SIGLEC14: variants seen among roughly 807,000 people sequenced by gnomAD.
The protein encoded by SIGLEC14 is sialic acid-binding Ig-like lectin 14.
SIGLEC14 carries 11 observed loss-of-function variants against 34.2 expected under a neutral mutation model. The observed-to-expected ratio is 0.32, with a 90% CI of 0.20 to 0.53. The LOEUF (loss-of-function observed/expected upper bound fraction) is 0.53, where lower values mean the gene tolerates loss of function less well. SIGLEC14 is among the 20% of genes least tolerant of loss of function. SIGLEC14 has a pLI of 0.95. For missense variants in SIGLEC14, 264 were observed against 439.0 expected (o/e 0.60, Z 3.56); for synonymous variants, 99 against 179.7 (o/e 0.55, Z 3.59).
intron 3 of SIGLEC14, 75 bp from the exon 4 acceptor site, chr19:51,645,605 A>AG (rs1314825824): frequency 6.8e-7 from 1 of 1,470,354 alleles, no homozygotes; most frequent in Non-Finnish European, 9.2e-7. Flanking sequence ...GGACCCAAGG[A>AG]GGGGCCACAG....
intron 6 of SIGLEC14, 67 bp from the exon 7 acceptor site, chr19:51,643,464 GCT>G: frequency 2.2e-6 from 3 of 1,335,830 alleles, no homozygotes; most frequent in Non-Finnish European, 2.0e-6. Flanking sequence ...GTGGGGCTGA[GCT>G]GTCCTGGGGC....
intron 6 of SIGLEC14, 54 bp downstream of exon 6, chr19:51,643,483 G>GGCCCCCCCCCCCC: frequency 2.3e-6 from 3 of 1,297,880 alleles, no homozygotes; most frequent in Non-Finnish European, 1.0e-6. Flanking sequence ...GGGCAGGACA[G>GGCCCCCCCCCCCC]CTCAGCCCCA....
Position 51,639,682 on chromosome 19 carries a change from C to A in SIGLEC14, c.*3673G>T, listed in dbSNP as rs1379207909. ...CACTAATCCCATTCATGAAGGATGG[C>A]ACCATTATGGGTTAATCACTTTCCA... On this transcript the variant is annotated 3_prime_UTR_variant, in exon 7 of 7. Transcript: ENST00000360844. 1.4e-5 allele frequency: 2 copies of A among 138,982 alleles called. No individual in the cohort carries two copies. The highest frequency in any genetic ancestry group is 5.5e-5 in the African/African-American group (2 of 36,616). The allele number at this position is 138,982 out of a possible 1,614,324, so 8.6% of individuals were successfully genotyped here.
intron 3 of SIGLEC14, 98 bp from the exon 4 acceptor site, chr19:51,645,628 T>G: frequency 1.4e-6 from 2 of 1,448,294 alleles, no homozygotes; most frequent in Non-Finnish European, 1.9e-6. Flanking sequence ...ACCCACCAGG[T>G]GGGGACCGCT....
chr19:51,640,235 A>G lies in SIGLEC14; in HGVS notation c.*3120T>C, dbSNP rs1368407109. ...TTATAAGCTTTGAATGGGGAAAAAAAACTACTTGGGAAATGGGATAAAAGA... is the reference window on the plus strand; with the variant it reads ...TTATAAGCTTTGAATGGGGAAAAAAGACTACTTGGGAAATGGGATAAAAGA... On this transcript the variant is annotated 3_prime_UTR_variant, in exon 7 of 7. Coordinates refer to ENST00000360844, the MANE Select transcript of SIGLEC14 (RefSeq NM_001098612.3). 7.2e-6 allele frequency among the ~76,000 whole-genome samples: 1 copy of G among 139,686 alleles called. No homozygotes were observed. The highest frequency in any genetic ancestry group is 1.5e-5 in the Non-Finnish European group (1 of 65,174). The allele number at this position is 139,686 out of a possible 152,430, so 91.6% of individuals were successfully genotyped here. A position where few individuals can be genotyped will look rare whatever the true frequency, so the allele number is the denominator to read the frequency against.
chr19:51,643,423 T>C lies in SIGLEC14; in HGVS notation c.1149-26A>G, dbSNP rs776654679. 3 of 1,472,520 alleles carry C rather than the reference T, an allele frequency of 2.0e-6. 1 individual carries two copies. The highest frequency in any genetic ancestry group is 8.2e-5 in the East Asian group (2 of 24,488). 91.2% of individuals were successfully genotyped at this position (1,472,520 alleles called of 1,614,324 possible). A position where few individuals can be genotyped will look rare whatever the true frequency, so the allele number is the denominator to read the frequency against. On this transcript the variant is annotated intron_variant, in intron 6 of 6. Coordinates refer to ENST00000360844, the MANE Select transcript of SIGLEC14 (RefSeq NM_001098612.3). ...CTGCAGAGCCAACATGGGCCTCAGA[T>C]CAGCACCAGCCACTTCAGTTCTAAT...
intron 4 of SIGLEC14, among the ~76,000 whole-genome samples, chr19:51,644,471 G>C (rs1427426249): frequency 7.2e-6 from 1 of 137,940 alleles, no homozygotes; most frequent in Non-Finnish European, 1.5e-5. Flanking sequence ...TATAAGCAAG[G>C]GAAACAGAGT....
rs1600110187 is a variant in SIGLEC14, at chr19:51,643,467, G to A, written c.1148+70C>T. 4 of 1,349,830 alleles carry A rather than the reference G, an allele frequency of 3.0e-6. 1 individual carries two copies. The East Asian group carries it at 1.9e-4, about 62-fold the overall frequency. 83.6% of individuals were successfully genotyped at this position (1,349,830 alleles called of 1,614,324 possible). A position where few individuals can be genotyped will look rare whatever the true frequency, so the allele number is the denominator to read the frequency against. On this transcript the variant is annotated intron_variant, in intron 6 of 6. Transcript: ENST00000360844. Reference sequence around the variant, plus strand: ...TTCTAATTCCAGGTGGGGCTGAGCTGTCCTGGGGCAGGACAGCTCAGCCCC... The same window carrying A: ...TTCTAATTCCAGGTGGGGCTGAGCTATCCTGGGGCAGGACAGCTCAGCCCC...
intron 5 of SIGLEC14, 40 bp downstream of exon 5, chr19:51,643,739 C>A (rs1294894121): frequency 1.3e-6 from 2 of 1,514,612 alleles, no homozygotes; most frequent in Non-Finnish European, 1.8e-6. Flanking sequence ...CTGAATACCT[C>A]ACCGGGCTGT....
chr19:51,641,065 C>T lies in SIGLEC14; in HGVS notation c.*2290G>A, dbSNP rs1344129723. Among the ~76,000 whole-genome samples, 1 of 138,732 alleles carries T rather than the reference C, an allele frequency of 7.2e-6. No homozygotes were observed. The highest frequency in any genetic ancestry group is 1.5e-5 in the Non-Finnish European group (1 of 64,866). 91.0% of individuals were successfully genotyped at this position (138,732 alleles called of 152,430 possible). A position where few individuals can be genotyped will look rare whatever the true frequency, so the allele number is the denominator to read the frequency against. The stretch of plus-strand genomic sequence containing the variant: ...TAACGACAGAGTTTAAAAATACATG[C>T]AGCAAAAACTGATGAAACTGAGAGG... On this transcript the variant is annotated 3_prime_UTR_variant, in exon 7 of 7. Transcript: ENST00000360844.
At position 51,640,385 on chromosome 19, in the gene SIGLEC14, C is replaced by G. The variant is rs143678003; in HGVS notation, c.*2970G>C. ...GGCTGCTAAAATTCTAATACAACTCCTTCCATCTTTCTGGACTGAGAAACA... is the reference window on the plus strand; with the variant it reads ...GGCTGCTAAAATTCTAATACAACTCGTTCCATCTTTCTGGACTGAGAAACA... On this transcript the variant is annotated 3_prime_UTR_variant, in exon 7 of 7. Coordinates refer to ENST00000360844, the MANE Select transcript of SIGLEC14 (RefSeq NM_001098612.3). 7.2e-6 allele frequency among the ~76,000 whole-genome samples: 1 copy of G among 139,102 alleles called. No individual in the cohort carries two copies. Among genetic ancestry groups the G allele is most frequent in the Non-Finnish European group, 1.5e-5 (1 of 64,958 alleles). The allele number at this position is 139,102 out of a possible 152,430, so 91.3% of individuals were successfully genotyped here. A position where few individuals can be genotyped will look rare whatever the true frequency, so the allele number is the denominator to read the frequency against.
chr19:51,645,648 G>A, intron 3 of SIGLEC14, 118 bp from the exon 4 acceptor site: 9 of 1,446,388 alleles, frequency 6.2e-6, no homozygotes, highest in Middle Eastern at 1.8e-4. Flanking sequence ...TGTCCTTCCT[G>A]CCCACACACG....
Position 51,640,324 on chromosome 19 carries a change from A to G in SIGLEC14, c.*3031T>C, listed in dbSNP as rs1390413066. Among the ~76,000 whole-genome samples, 1 of 139,392 alleles carries G rather than the reference A, an allele frequency of 7.2e-6. No homozygotes were observed. The highest frequency in any genetic ancestry group is 2.7e-5 in the African/African-American group (1 of 36,740). 91.4% of individuals were successfully genotyped at this position (139,392 alleles called of 152,430 possible). ...GCACCAACAAGGAATAAATAGCTTT[A>G]TTCCAATGGTAGGTCAGAGCTACAG... On this transcript the variant is annotated 3_prime_UTR_variant, in exon 7 of 7. Transcript: ENST00000360844.
chr19:51,645,563 G>T lies in SIGLEC14; in HGVS notation c.701-33C>A, dbSNP rs777397608. On this transcript the variant is annotated intron_variant, in intron 3 of 6. Transcript: ENST00000360844. Reference sequence around the variant, plus strand: ...AGAAAGATACAGCACCAGCTTCAGAGGTGACAAGAGGGATGGGCGTGGTCC... The same window carrying T: ...AGAAAGATACAGCACCAGCTTCAGATGTGACAAGAGGGATGGGCGTGGTCC... The T allele has an allele frequency of 9.6e-5, 146 of 1,519,368 alleles. 33 individuals are homozygous for T. In the South Asian group the frequency reaches 1.7e-3, roughly 18 times the overall value. The allele number at this position is 1,519,368 out of a possible 1,614,324, so 94.1% of individuals were successfully genotyped here. A position where few individuals can be genotyped will look rare whatever the true frequency, so the allele number is the denominator to read the frequency against.
Position 51,643,716 on chromosome 19 carries a change from C to T in SIGLEC14, c.1013-44G>A, listed in dbSNP as rs1568598592. On this transcript the variant is annotated intron_variant, in intron 5 of 6. Transcript: ENST00000360844. ...TAAGGTGCTGTTACCAGGCCTCAGT[C>T]CCTCCCACCAACCTGAATACCTCAC... 8 of 1,521,862 alleles carry T rather than the reference C, an allele frequency of 5.3e-6. 2 individuals are homozygous for T. Among genetic ancestry groups the T allele is most frequent in the Non-Finnish European group, 7.0e-6 (8 of 1,135,284 alleles). The allele number at this position is 1,521,862 out of a possible 1,614,324, so 94.3% of individuals were successfully genotyped here.
intron 6 of SIGLEC14, 49 bp from the exon 7 acceptor site, chr19:51,643,446 A>G (rs1568598463): frequency 1.4e-6 from 2 of 1,426,816 alleles, no homozygotes; most frequent in Non-Finnish European, 1.8e-6. Context: ...CTTCAGTTCT[A>G]ATTCCAGGTG....
At position 51,642,282 on chromosome 19, in the gene SIGLEC14, G is replaced by A. The variant is rs34197373; in HGVS notation, c.*1073C>T. ...ATGAGCTATTGATACGTGTAACAACGTGGATAAACTGGGAAAACCACACTG... is the reference window on the plus strand; with the variant it reads ...ATGAGCTATTGATACGTGTAACAACATGGATAAACTGGGAAAACCACACTG... On this transcript the variant is annotated 3_prime_UTR_variant, in exon 7 of 7. Transcript: ENST00000360844. Among the ~76,000 whole-genome samples, 25,327 of 138,258 alleles carry A rather than the reference G, an allele frequency of 0.18. 5,747 individuals carry two copies. Among genetic ancestry groups the A allele is most frequent in the East Asian group, 0.6 (1,733 of 2,910 alleles). The allele number at this position is 138,258 out of a possible 152,430, so 90.7% of individuals were successfully genotyped here. A position where few individuals can be genotyped will look rare whatever the true frequency, so the allele number is the denominator to read the frequency against.
chr19:51,643,595 C>A lies in SIGLEC14; in HGVS notation c.1090G>T (p.Ala364Ser). 1.3e-6 allele frequency: 2 copies of A among 1,529,606 alleles called. No individual in the cohort carries two copies. The highest frequency in any genetic ancestry group is 1.8e-6 in the Non-Finnish European group (2 of 1,140,202). The allele number at this position is 1,529,606 out of a possible 1,614,324, so 94.8% of individuals were successfully genotyped here. A position where few individuals can be genotyped will look rare whatever the true frequency, so the allele number is the denominator to read the frequency against. The part of the protein sequence containing the change: ...WPLVLTLIRG[A>S]LMGAGFLLTY... ...AGGAGGAAGCCAGCCCCCATGAGAG[C>A]CCCCCTGATCAGGGTGAGGACGAGG... The change falls in exon 6 of 7, where the codon GCT (alanine) becomes TCT (serine). Residue 364 changes from alanine (A) to serine (S), a missense_variant. Around this residue, in one of 5 missense-constraint regions of SIGLEC14, gnomAD observed 149 missense variants for 184.4 expected, o/e 0.81. Transcript: ENST00000360844.
chr19:51,640,374 T>A lies in SIGLEC14; in HGVS notation c.*2981A>T, dbSNP rs778702176. The stretch of plus-strand genomic sequence containing the variant: ...GTGCAGAAAGTGGCTGCTAAAATTC[T>A]AATACAACTCCTTCCATCTTTCTGG... On this transcript the variant is annotated 3_prime_UTR_variant, in exon 7 of 7. Coordinates refer to ENST00000360844, the MANE Select transcript of SIGLEC14 (RefSeq NM_001098612.3). Among the ~76,000 whole-genome samples, 10 of 139,236 alleles carry A rather than the reference T, an allele frequency of 7.2e-5. 1 individual carries two copies. Among genetic ancestry groups the A allele is most frequent in the Non-Finnish European group, 1.5e-4 (10 of 64,992 alleles). 91.3% of individuals were successfully genotyped at this position (139,236 alleles called of 152,430 possible). A position where few individuals can be genotyped will look rare whatever the true frequency, so the allele number is the denominator to read the frequency against.
Sources: gnomAD v4.1 joint callset for allele counts (sites outside exome capture counted in the v4.1 genomes callset) on GRCh38, gnomAD v4.1.1 for gene constraint, gnomAD v4.1.1 regional missense constraint, MANE v1.5 for transcripts, NCBI Gene and HGNC (gene_info 2026-07-23, HGNC 2026-07-21) for gene names.